The following NPTN variants were observed in gnomAD, a reference collection of about 807,000 sequenced individuals.
NPTN encodes the protein SDR-1.
Under a neutral mutation model 42.7 loss-of-function variants are expected in NPTN, and 5 were observed. The observed-to-expected ratio is 0.12, with a 90% confidence interval of 0.06 to 0.25. NPTN has a LOEUF of 0.25. Among genes scored for constraint, NPTN ranks in the 10% least tolerant of loss-of-function variants. NPTN has a pLI of 1.00. For synonymous variants in NPTN, 180 were observed against 201.9 expected, an observed-to-expected ratio of 0.89 and a Z score of 0.92; for missense variants, 307 against 525.4, an observed-to-expected ratio of 0.58 and a Z score of 4.06.
chr15:73,586,466 G>A (rs1896324020), intron 4 of NPTN, among the ~76,000 whole-genome samples: 1 of 152,202 alleles, frequency 6.6e-6, no homozygotes, highest in Non-Finnish European at 1.5e-5. Flanking sequence ...GGAGGAGGCA[G>A]TGGCCATCCC....
chr15:73,578,235 T>C (rs996024136), intron 4 of NPTN, among the ~76,000 whole-genome samples: 2 of 151,996 alleles, frequency 1.3e-5, no homozygotes, highest in African/African-American at 4.8e-5. Flanking sequence ...GTGAATACTA[T>C]GTGCAGGTAT....
chr15:73,576,301 A>G (rs1030606692), intron 4 of NPTN, among the ~76,000 whole-genome samples: 1 of 152,124 alleles, frequency 6.6e-6, no homozygotes, highest in African/African-American at 2.4e-5. Context: ...GAGTATATAC[A>G]AGGTTCCTGA....
intron 3 of NPTN, among the ~76,000 whole-genome samples, chr15:73,589,947 G>A (rs1896505581): frequency 6.6e-6 from 1 of 151,726 alleles, no homozygotes; most frequent in African/African-American, 2.4e-5. Flanking sequence ...TCTTTCTTCA[G>A]GGCTTAAACT....
chr15:73,628,582 C>T (rs1392272437), intron 1 of NPTN, among the ~76,000 whole-genome samples: 2 of 152,050 alleles, frequency 1.3e-5, no homozygotes, highest in African/African-American at 4.8e-5. Flanking sequence ...ATCTCCTTCC[C>T]GAATCGTTGT....
At chr15:73,563,733 A>G (rs1345260732) in intron 6 of NPTN, 2 of 175,876 alleles carry the variant, frequency 1.1e-5, no homozygotes, top group Non-Finnish European at 2.2e-5. Flanking sequence ...TCACTTCCCC[A>G]AAGGGCACTC....
intron 1 of NPTN, among the ~76,000 whole-genome samples, chr15:73,623,109 A>C (rs1182520664): frequency 6.6e-6 from 1 of 152,218 alleles, no homozygotes; most frequent in Non-Finnish European, 1.5e-5. Flanking sequence ...CTTAATTTCT[A>C]ATGGCCAAAG....
intron 4 of NPTN, among the ~76,000 whole-genome samples, chr15:73,574,872 T>C (rs978862211): frequency 6.6e-6 from 1 of 152,220 alleles, no homozygotes; most frequent in African/African-American, 2.4e-5. Context: ...ACAACAACTG[T>C]AGTCTAAAAA....
chr15:73,570,345 T>C lies in NPTN; in HGVS notation c.919A>G (p.Ile307Val). Residue 307 changes from isoleucine (I) to valine (V), a missense_variant, in exon 6 of 9, where the codon ATC becomes GTC. Physicochemically the swap from Ile to Val is conservative, Grantham distance 29. Transcript: ENST00000345330. This position sits in a 1 kb window ranked among gnomAD's most constrained non-coding sequence, Gnocchi z 4.0. ...YTELNIVNLQ[I>V]TEDPGEYECN... ...TCATACTCGCCAGGGTCTTCCGTGA[T>C]CTGCAGGTTCACAATGTTCAACTCA... 1 of 1,614,148 alleles carries C rather than the reference T, an allele frequency of 6.2e-7. No individual in the cohort carries two copies. Among genetic ancestry groups the C allele is most frequent in the Non-Finnish European group, 8.5e-7 (1 of 1,180,028 alleles).
At chr15:73,579,793 G>GT (rs1298882260) in intron 4 of NPTN, among the ~76,000 whole-genome samples, 4 of 152,120 alleles carry the variant, frequency 2.6e-5, no homozygotes, top group Non-Finnish European at 4.4e-5. Context: ...CAAGAGCCAT[G>GT]TGAGTGAGCT....
In NPTN at chr15:73,573,684, T is replaced by C; in HGVS notation, c.818A>G (p.Lys273Arg). The C allele has an allele frequency of 6.3e-7, 1 of 1,585,008 alleles. No homozygotes were observed. The highest frequency in any genetic ancestry group is 8.6e-7 in the Non-Finnish European group (1 of 1,168,190). ...CACCATGGGCATCCCGTTCTCCTTC[T>C]TGCGCCATATCCAGTCTGGGTGGGG... ...GYPHPDWIWR[K>R]KENGMPMDIV... Residue 273 changes from lysine (K) to arginine (R), a missense_variant, in exon 5 of 9, where the codon AAG (lysine) becomes AGG (arginine). Physicochemically the swap from Lys to Arg is conservative, Grantham distance 26. Transcript: ENST00000345330.
At chr15:73,595,738 C>G (rs1896806951) in intron 2 of NPTN, among the ~76,000 whole-genome samples, 1 of 152,094 alleles carries the variant, frequency 6.6e-6, no homozygotes, top group East Asian at 1.9e-4. Flanking sequence ...GTGAATGTCC[C>G]CTCAATTATA....
intron 1 of NPTN, among the ~76,000 whole-genome samples, chr15:73,624,624 C>G (rs1898304819): frequency 6.6e-6 from 1 of 151,334 alleles, no homozygotes; most frequent in Non-Finnish European, 1.5e-5. Context: ...AATAATCCCA[C>G]TACTCTAGGA....
chr15:73,625,894 G>C (rs1391248537), intron 1 of NPTN, among the ~76,000 whole-genome samples: 1 of 152,102 alleles, frequency 6.6e-6, no homozygotes, highest in Non-Finnish European at 1.5e-5. Context: ...AAAAGGAAAA[G>C]AAATGGACCT....
rs1259645571 is a variant in NPTN at position 73,580,409 on chromosome 15, TA to T, written c.707-6615del. Among the ~76,000 whole-genome samples, 14 of 102,924 alleles carry T rather than the reference TA, an allele frequency of 1.4e-4. No homozygotes were observed. The East Asian group carries it at 2.4e-3, about 17-fold the overall frequency. 67.5% of individuals were successfully genotyped at this position (102,924 alleles called of 152,430 possible). A position where few individuals can be genotyped will look rare whatever the true frequency, so the allele number is the denominator to read the frequency against. ...CTTTAAAATATATATATTATATATA[TA>T]ATATATATATAATATATATATAATA... On this transcript the variant is annotated intron_variant, in intron 4 of 8. Transcript: ENST00000345330.
intron 4 of NPTN, 57 bp from the exon 5 acceptor site, chr15:73,573,852 A>T: frequency 6.3e-7 from 1 of 1,586,826 alleles, no homozygotes; most frequent in Non-Finnish European, 8.6e-7. Flanking sequence ...CAGGATACAA[A>T]GGCCCCACCT....
chr15:73,627,393 CAATACA>C (rs1898474316), intron 1 of NPTN, among the ~76,000 whole-genome samples: 1 of 152,152 alleles, frequency 6.6e-6, no homozygotes, highest in Non-Finnish European at 1.5e-5. Context: ...ACAAGAAACT[CAATACA>C]AAATGTTTCC....
intron 1 of NPTN, among the ~76,000 whole-genome samples, chr15:73,611,895 T>C (rs964483472): frequency 2.0e-5 from 3 of 152,192 alleles, no homozygotes; most frequent in African/African-American, 7.2e-5. Flanking sequence ...AATTTTGCTG[T>C]GAACCTAAAA....
At chr15:73,594,076 C>T (rs1896721859) in intron 2 of NPTN, among the ~76,000 whole-genome samples, 1 of 152,168 alleles carries the variant, frequency 6.6e-6, no homozygotes, top group South Asian at 2.1e-4. Context: ...AGAACCAGTA[C>T]TCCACAGAAG....
At chr15:73,562,214 G>A (rs1347911762) in intron 7 of NPTN, among the ~76,000 whole-genome samples, 1 of 152,120 alleles carries the variant, frequency 6.6e-6, no homozygotes, top group Non-Finnish European at 1.5e-5. Flanking sequence ...TGGAATATCT[G>A]CATTATACTT....
Sources: allele counts gnomAD v4.1 joint callset (sites outside exome capture counted in the v4.1 genomes callset), GRCh38; gene constraint gnomAD v4.1.1; non-coding constraint Gnocchi (gnomAD v3.1); transcripts MANE v1.5; gene names NCBI Gene and HGNC (gene_info 2026-07-23, HGNC 2026-07-21).